Variants in ENPP1 observed in about 807,000 individuals in gnomAD.
ENPP1 encodes the protein ectonucleotide pyrophosphatase/phosphodiesterase 1.
Under a neutral mutation model 122.8 loss-of-function variants are expected in ENPP1, and 73 were observed. The observed-to-expected ratio is 0.59, with a 90% CI of 0.49 to 0.72. ENPP1 has a LOEUF of 0.72. Ranked by LOEUF, ENPP1 falls within the 30% of genes least tolerant of loss-of-function variation. ENPP1 has a pLI of 0.00. For missense variants in ENPP1, 978 were observed against 1,128.1 expected, an observed-to-expected ratio of 0.87 and a Z score of 1.91; for synonymous variants, 367 against 391.6, an observed-to-expected ratio of 0.94 and a Z score of 0.74.
chr6:131,813,864 T>G (rs898781463), intron 1 of ENPP1, among the ~76,000 whole-genome samples: 6 of 152,144 alleles, frequency 3.9e-5, no homozygotes. Flanking sequence ...GGATTTTATT[T>G]TTAGTTTACA....
intron 1 of ENPP1, among the ~76,000 whole-genome samples, chr6:131,842,715 C>CG (rs1285685978): frequency 8.5e-5 from 13 of 152,126 alleles, no homozygotes; most frequent in Admixed American, 8.5e-4. Context: ...ATGCTTCCCC[C>CG]GGCCAACTTC....
intron 12 of ENPP1, 81 bp from the exon 13 acceptor site, chr6:131,869,277 G>A: frequency 7.2e-7 from 1 of 1,386,994 alleles, no homozygotes; most frequent in Non-Finnish European, 1.0e-6. Context: ...ATTTAACCTT[G>A]GAAGTGAAAG....
chr6:131,829,749 A>G (rs893988809), intron 1 of ENPP1, among the ~76,000 whole-genome samples: 2 of 152,226 alleles, frequency 1.3e-5, no homozygotes, highest in African/African-American at 4.8e-5. Flanking sequence ...GAGAGCAGGA[A>G]GGGCAAAAGA....
chr6:131,872,636 A>G (rs1782176534), intron 14 of ENPP1, among the ~76,000 whole-genome samples: 1 of 152,144 alleles, frequency 6.6e-6, no homozygotes, highest in Non-Finnish European at 1.5e-5. Flanking sequence ...TTATGCAGTA[A>G]TAATTATGAT....
Position 131,824,442 on chromosome 6 carries a change from TTTGTTG to T in ENPP1, c.240+16191_240+16196del, listed in dbSNP as rs140923936. 3.8e-5 allele frequency among the ~76,000 whole-genome samples: 5 copies of T among 132,542 alleles called. No individual in the cohort carries two copies. In the South Asian group the frequency reaches 7.6e-4, roughly 20 times the overall value. 87.0% of individuals were successfully genotyped at this position (132,542 alleles called of 152,430 possible). A position where few individuals can be genotyped will look rare whatever the true frequency, so the allele number is the denominator to read the frequency against. The stretch of plus-strand genomic sequence containing the variant: ...TTGCCAGAGCCATCTCCAGGCAGGA[TTTGTTG>T]TTGTTGTTGTTGTTGTTGTTGTTTG... On this transcript the variant is annotated intron_variant, in intron 1 of 24. Transcript: ENST00000647893.
chr6:131,818,521 G>A (rs906547606), intron 1 of ENPP1, among the ~76,000 whole-genome samples: 2 of 151,962 alleles, frequency 1.3e-5, no homozygotes, highest in Admixed American at 6.6e-5. Context: ...GGTGGTGGGC[G>A]CCTGTAGTCC....
At chr6:131,863,747 A>C (rs1374874303) in intron 9 of ENPP1, among the ~76,000 whole-genome samples, 1 of 150,014 alleles carries the variant, frequency 6.7e-6, no homozygotes, top group Non-Finnish European at 1.5e-5. Flanking sequence ...CTCTACTAAA[A>C]TACAAAAAAA....
At chr6:131,819,933 T>C in intron 1 of ENPP1, 2 of 529,818 alleles carry the variant, frequency 3.8e-6, no homozygotes, top group East Asian at 4.9e-5. Flanking sequence ...TGAGTTTCCA[T>C]AGCTTCTTTT....
intron 1 of ENPP1, among the ~76,000 whole-genome samples, chr6:131,831,917 T>A (rs1781618915): frequency 1.3e-5 from 2 of 152,234 alleles, no homozygotes; most frequent in South Asian, 4.1e-4. Flanking sequence ...TTTGGAATTC[T>A]TCTGAATTGG....
chr6:131,826,086 T>C, intron 1 of ENPP1: 1 of 787,778 alleles, frequency 1.3e-6, no homozygotes, highest in Non-Finnish European at 2.3e-6. Context: ...GGGACTGATA[T>C]CCTTCCAGTT....
At position 131,861,637 on chromosome 6, in the gene ENPP1, T is replaced by C. The variant is rs1320551672; in HGVS notation, c.958T>C (p.Phe320Leu). 1.2e-6 allele frequency: 2 copies of C among 1,613,282 alleles called. No individual in the cohort carries two copies. The highest frequency in any genetic ancestry group is 1.7e-6 in the Non-Finnish European group (2 of 1,179,384). The change falls in exon 9 of 25, where the codon TTT becomes CTT. Residue 320 changes from phenylalanine (F) to leucine (L), a missense_variant. Phe to Leu is a conservative substitution (Grantham distance 22). Transcript: ENST00000647893. ...AKYQGLKSGT[F>L]FWPGSDVEIN... is the part of the protein sequence containing the mutation. ...GTATCAAGGCCTCAAGTCTGGCACA[T>C]TTTTCTGGCCAGGATCAGATGTGGA...
At chr6:131,847,667 C>A in intron 1 of ENPP1, 109 bp from the exon 2 acceptor site, 2 of 743,020 alleles carry the variant, frequency 2.7e-6, no homozygotes, top group Non-Finnish European at 4.4e-6. Context: ...GATCATGCCA[C>A]TGTACCCTAG....
At chr6:131,833,375 T>C (rs1781636650) in intron 1 of ENPP1, among the ~76,000 whole-genome samples, 1 of 152,224 alleles carries the variant, frequency 6.6e-6, no homozygotes, top group African/African-American at 2.4e-5. Context: ...TTGGTATTTT[T>C]AAAAATTGGA....
intron 1 of ENPP1, among the ~76,000 whole-genome samples, chr6:131,825,052 T>A (rs1307949757): frequency 6.6e-6 from 1 of 150,450 alleles, no homozygotes; most frequent in Non-Finnish European, 1.5e-5. Context: ...AGAGCGAGAC[T>A]GTGTCTCAAA....
At chr6:131,821,341 T>G (rs1021049735) in intron 1 of ENPP1, among the ~76,000 whole-genome samples, 1 of 152,228 alleles carries the variant, frequency 6.6e-6, no homozygotes, top group Non-Finnish European at 1.5e-5. Flanking sequence ...TCATACATGA[T>G]GTTGTGATTA....
intron 1 of ENPP1, among the ~76,000 whole-genome samples, chr6:131,846,943 A>G (rs921024621): frequency 2.6e-5 from 4 of 152,218 alleles, no homozygotes; most frequent in Non-Finnish European, 5.9e-5. Context: ...GGAGAATGGG[A>G]AAGTGGCAAA....
chr6:131,827,729 C>A, intron 1 of ENPP1: 1 of 681,908 alleles, frequency 1.5e-6, no homozygotes, highest in South Asian at 1.5e-5. Context: ...TCTTGCCCCT[C>A]CTTCTTGTCC....
At chr6:131,812,411 T>G (rs1387889634) in intron 1 of ENPP1, among the ~76,000 whole-genome samples, 1 of 152,192 alleles carries the variant, frequency 6.6e-6, no homozygotes, top group Non-Finnish European at 1.5e-5. Context: ...CTAGGAGTCC[T>G]TTATTTGATG....
chr6:131,841,875 A>T (rs1781744745), intron 1 of ENPP1, among the ~76,000 whole-genome samples: 1 of 152,174 alleles, frequency 6.6e-6, no homozygotes, highest in African/African-American at 2.4e-5. Context: ...CACCGGACTC[A>T]TAACATAGCC....
Sources: gnomAD v4.1 joint callset for allele counts (sites outside exome capture counted in the v4.1 genomes callset) on GRCh38, gnomAD v4.1.1 for gene constraint, MANE v1.5 for transcripts, NCBI Gene and HGNC (gene_info 2026-07-23, HGNC 2026-07-21) for gene names.